KCNH5: variants seen among roughly 807,000 people sequenced by gnomAD.
KCNH5 encodes the protein voltage-gated delayed rectifier potassium channel KCNH5.
In KCNH5, 46 loss-of-function variants were observed where a neutral mutation model predicts 96.1. That is an observed-to-expected ratio of 0.48 (90% confidence interval 0.38 to 0.61). KCNH5 has a LOEUF of 0.61. Among genes scored for constraint, KCNH5 ranks in the 20% least tolerant of loss-of-function variants. KCNH5 has a pLI of 0.00. For synonymous variants in KCNH5, 439 were observed against 449.8 expected (o/e 0.98, Z 0.30); for missense variants, 907 against 1,225.8 (o/e 0.74, Z 3.88).
chr14:62,864,500 A>G (rs994532193), intron 7 of KCNH5, among the ~76,000 whole-genome samples: 3 of 152,308 alleles, frequency 2.0e-5, no homozygotes, highest in South Asian at 4.1e-4. Context: ...TGCAAATTAT[A>G]TGACTGAGCT....
intron 10 of KCNH5, among the ~76,000 whole-genome samples, chr14:62,723,494 T>C (rs2139916204): frequency 6.6e-6 from 1 of 152,174 alleles, no homozygotes; most frequent in East Asian, 1.9e-4. Context: ...TTGTGGTATT[T>C]GATAGCAGAA....
intron 7 of KCNH5, among the ~76,000 whole-genome samples, chr14:62,916,593 T>A (rs1396998532): frequency 6.6e-6 from 1 of 152,156 alleles, no homozygotes; most frequent in Non-Finnish European, 1.5e-5. Context: ...TGATTTCTGA[T>A]GAGAAAAAAT....
intron 10 of KCNH5, among the ~76,000 whole-genome samples, chr14:62,722,969 A>G (rs1467799994): frequency 6.6e-6 from 1 of 152,140 alleles, no homozygotes; most frequent in Non-Finnish European, 1.5e-5. Context: ...TTTGTTTTGT[A>G]GCTTGTAATG....
At chr14:62,711,948 G>C (rs1884578564) in intron 10 of KCNH5, among the ~76,000 whole-genome samples, 1 of 152,204 alleles carries the variant, frequency 6.6e-6, no homozygotes, top group South Asian at 2.1e-4. Context: ...ACTCTGAGGA[G>C]TGGCTACAGG....
intron 7 of KCNH5, among the ~76,000 whole-genome samples, chr14:62,945,678 T>C (rs762361709): frequency 2.0e-4 from 31 of 151,980 alleles, no homozygotes; most frequent in Admixed American, 3.9e-4. Flanking sequence ...TTGAGGTGTT[T>C]TTTTATAGTA....
intron 7 of KCNH5, among the ~76,000 whole-genome samples, chr14:62,927,888 T>C (rs1163989767): frequency 1.3e-5 from 2 of 152,106 alleles, no homozygotes; most frequent in African/African-American, 4.8e-5. Context: ...TTATGTTACA[T>C]ATATTTTACT....
intron 7 of KCNH5, among the ~76,000 whole-genome samples, chr14:62,921,241 T>C (rs1025209220): frequency 6.6e-5 from 10 of 152,194 alleles, no homozygotes; most frequent in African/African-American, 2.4e-4. Context: ...TTTTTCACTC[T>C]CTTGCTATCA....
intron 10 of KCNH5, among the ~76,000 whole-genome samples, chr14:62,743,183 AAGACTCTAGTTT>A (rs1399272687): frequency 6.6e-6 from 1 of 152,206 alleles, no homozygotes; most frequent in African/African-American, 2.4e-5. Flanking sequence ...GTTTTCCGCT[AAGACTCTAGTTT>A]AGACTCACCT....
At chr14:63,042,928 T>G (rs1442094441) in intron 1 of KCNH5, among the ~76,000 whole-genome samples, 1 of 152,146 alleles carries the variant, frequency 6.6e-6, no homozygotes, top group Non-Finnish European at 1.5e-5. Context: ...GTAGTGGTAT[T>G]CAAAGTTAGC....
chr14:62,784,877 T>A (rs908584254), intron 9 of KCNH5, among the ~76,000 whole-genome samples: 6 of 152,170 alleles, frequency 3.9e-5, no homozygotes, highest in Non-Finnish European at 7.4e-5. Flanking sequence ...ATAAAAAGTC[T>A]ATGATATAGT....
chr14:62,735,910 T>C (rs1200371222), intron 10 of KCNH5, among the ~76,000 whole-genome samples: 1 of 152,204 alleles, frequency 6.6e-6, no homozygotes, highest in African/African-American at 2.4e-5. Flanking sequence ...GCCAGGTGGC[T>C]GGAGTGATCC....
chr14:62,759,908 C>T (rs78549786), intron 10 of KCNH5, among the ~76,000 whole-genome samples: 1,765 of 152,272 alleles, frequency 0.012, 32 homozygotes, highest in African/African-American at 0.04. Flanking sequence ...TTCACCTGAA[C>T]GGCGGGGATA....
At chr14:62,931,765 C>T (rs571392272) in intron 7 of KCNH5, among the ~76,000 whole-genome samples, 1 of 152,278 alleles carries the variant, frequency 6.6e-6, no homozygotes, top group South Asian at 2.1e-4. Flanking sequence ...CAGATGGACA[C>T]CTACCCCTCC....
chr14:62,881,888 A>C (rs1411513803), intron 7 of KCNH5, among the ~76,000 whole-genome samples: 1 of 152,096 alleles, frequency 6.6e-6, no homozygotes, highest in Non-Finnish European at 1.5e-5. Context: ...TGTCTCCTAA[A>C]ATAACTTTGA....
chr14:62,992,253 A>C (rs1406642577), intron 4 of KCNH5, among the ~76,000 whole-genome samples: 2 of 152,038 alleles, frequency 1.3e-5, no homozygotes, highest in Admixed American at 1.3e-4. Flanking sequence ...GATTGATTCT[A>C]TCTTTGCAAT....
In KCNH5 at chr14:62,906,308, C is replaced by G. The variant is rs185798346; in HGVS notation, c.1369+43825G>C. Reference sequence around the variant, plus strand: ...GTGTGTGTAACCACACACAGACAGACACGCACATACTTGGTGCTGTGAGAA... The same window carrying G: ...GTGTGTGTAACCACACACAGACAGAGACGCACATACTTGGTGCTGTGAGAA... On this transcript the variant is annotated intron_variant, in intron 7 of 10. Transcript: ENST00000322893. Among the ~76,000 whole-genome samples, 5 of 152,226 alleles carry G rather than the reference C, an allele frequency of 3.3e-5. No individual in the cohort carries two copies. In the East Asian group the frequency reaches 9.7e-4, roughly 30 times the overall value.
Position 62,701,378 on chromosome 14 carries a change from C to T in KCNH5, c.*6130G>A, listed in dbSNP as rs1246486882. ...TCATTAAAAGGAAGCAACTGCTGTC[C>T]CTTCTCCACACTCCTTTTTCCTCAG... On this transcript the variant is annotated 3_prime_UTR_variant, in exon 11 of 11. Coordinates refer to ENST00000322893, the MANE Select transcript of KCNH5 (RefSeq NM_139318.5). 6.6e-6 allele frequency: 1 copy of T among 152,148 alleles called. No homozygotes were observed. Among genetic ancestry groups the T allele is most frequent in the Non-Finnish European group, 1.5e-5 (1 of 67,998 alleles). The allele number at this position is 152,148 out of a possible 1,614,324, so 9.4% of individuals were successfully genotyped here. A position where few individuals can be genotyped will look rare whatever the true frequency, so the allele number is the denominator to read the frequency against.
chr14:62,837,140 T>C (rs904405901), intron 8 of KCNH5, among the ~76,000 whole-genome samples: 2 of 152,186 alleles, frequency 1.3e-5, no homozygotes, highest in Non-Finnish European at 2.9e-5. Context: ...ACTCTTGGTC[T>C]GCACTCTTCC....
intron 7 of KCNH5, among the ~76,000 whole-genome samples, chr14:62,869,222 C>T (rs1456125127): frequency 2.0e-5 from 3 of 152,118 alleles, no homozygotes; most frequent in African/African-American, 7.2e-5. Context: ...TTTTAATGAT[C>T]GCCATTCTAA....
Sources: gnomAD v4.1 joint callset for allele counts (sites outside exome capture counted in the v4.1 genomes callset) on GRCh38, gnomAD v4.1.1 for gene constraint, MANE v1.5 for transcripts, NCBI Gene and HGNC (gene_info 2026-07-23, HGNC 2026-07-21) for gene names.